TTLL9: variants seen among roughly 807,000 people sequenced by gnomAD.
TTLL9 encodes the protein probable tubulin polyglutamylase TTLL9.
A neutral mutation model predicts 65.6 loss-of-function variants in TTLL9; 47 were observed. That is an observed-to-expected ratio of 0.72 (90% CI 0.57 to 0.91). The LOEUF is 0.91. TTLL9 is among the 40% of genes least tolerant of loss of function. The pLI, the probability that TTLL9 is intolerant of heterozygous loss-of-function variation, is 0.00. For synonymous variants in TTLL9, 179 were observed against 204.8 expected, an observed-to-expected ratio of 0.87 and a Z score of 1.07; for missense variants, 537 against 568.8, an observed-to-expected ratio of 0.94 and a Z score of 0.57.
chr20:31,919,944 T>G lies in TTLL9; in HGVS notation c.573+12T>G. 1 of 1,574,326 alleles carries G rather than the reference T, an allele frequency of 6.4e-7. No individual in the cohort carries two copies. The highest frequency in any genetic ancestry group is 1.2e-5 in the South Asian group (1 of 85,616). On this transcript the variant is annotated intron_variant, in intron 7 of 14. Coordinates refer to ENST00000535842, the MANE Select transcript of TTLL9 (RefSeq NM_001008409.5). ...TGGACTGGAGGAAGGTGAGCCTGCC[T>G]CTTCCCCCTTCCTCCCTGAACCCTC...
intron 4 of TTLL9, among the ~76,000 whole-genome samples, chr20:31,904,234 G>A (rs1459433423): frequency 6.7e-6 from 1 of 150,310 alleles, no homozygotes; most frequent in African/African-American, 2.4e-5. Context: ...TTTCTCCAGT[G>A]TAAATTAACT....
chr20:31,878,635 CAGAT>C (rs1428987649), intron 2 of TTLL9, among the ~76,000 whole-genome samples: 5 of 152,188 alleles, frequency 3.3e-5, no homozygotes, highest in Non-Finnish European at 7.3e-5. Flanking sequence ...TAATTTTGAT[CAGAT>C]AGACTCCCTG....
Position 31,926,043 on chromosome 20 carries a change from C to A in TTLL9, c.706-6C>A, listed in dbSNP as rs756266495. Reference sequence around the variant, plus strand: ...CCAGTCCCAAGTGAACTCCTTTGTCCCACAGGTGTTTGCTGAATGCCTGCT... The same window carrying A: ...CCAGTCCCAAGTGAACTCCTTTGTCACACAGGTGTTTGCTGAATGCCTGCT... On this transcript the variant is annotated splice_region_variant and splice_polypyrimidine_tract_variant and intron_variant, in intron 9 of 14. Coordinates refer to ENST00000535842, the MANE Select transcript of TTLL9 (RefSeq NM_001008409.5). The A allele has an allele frequency of 6.2e-7, 1 of 1,613,788 alleles. No homozygotes were observed. The highest frequency in any genetic ancestry group is 1.3e-5 in the African/African-American group (1 of 74,866).
At chr20:31,934,477 C>T in intron 11 of TTLL9, 1 of 681,140 alleles carries the variant, frequency 1.5e-6, no homozygotes, top group East Asian at 2.8e-5. Flanking sequence ...TGGGCAGGGA[C>T]TTCTGGGGTC....
intron 14 of TTLL9, chr20:31,940,728 T>C (rs2064191069): frequency 6.6e-6 from 1 of 152,246 alleles, no homozygotes; most frequent in Non-Finnish European, 1.5e-5. Context: ...TGGCTGTCAG[T>C]TGGGCCTCTC....
chr20:31,943,244 A>G lies in TTLL9; in HGVS notation c.*223A>G, dbSNP rs1457158463. 1.7e-6 allele frequency: 1 copy of G among 591,138 alleles called. No individual in the cohort carries two copies. The highest frequency in any genetic ancestry group is 3.0e-6 in the Non-Finnish European group (1 of 330,366). The allele number at this position is 591,138 out of a possible 1,614,324, so 36.6% of individuals were successfully genotyped here. On this transcript the variant is annotated 3_prime_UTR_variant, in exon 15 of 15. Transcript: ENST00000535842. ...CACCAGGAGACAGCCAATCACTGGG[A>G]CTGGGGGAGGTTTAACCTTGACAAA...
At chr20:31,914,906 C>T (rs1600584422) in intron 6 of TTLL9, among the ~76,000 whole-genome samples, 1 of 152,234 alleles carries the variant, frequency 6.6e-6, no homozygotes, top group Admixed American at 6.5e-5. Flanking sequence ...CAGTCAGTTA[C>T]TCTGTTGGAG....
chr20:31,931,359 T>G (rs1600617656), intron 10 of TTLL9, among the ~76,000 whole-genome samples: 1 of 152,024 alleles, frequency 6.6e-6, no homozygotes, highest in South Asian at 2.1e-4. Context: ...GATTACAGCC[T>G]CGACTTCCCG....
At chr20:31,922,438 A>T (rs571115383) in intron 7 of TTLL9, among the ~76,000 whole-genome samples, 227 of 152,202 alleles carry the variant, frequency 1.5e-3, no homozygotes, top group African/African-American at 5.3e-3. Flanking sequence ...TAACTGTTAA[A>T]CACAAGCTCC....
At chr20:31,878,703 A>G (rs1469514632) in intron 2 of TTLL9, among the ~76,000 whole-genome samples, 1 of 152,166 alleles carries the variant, frequency 6.6e-6, no homozygotes, top group Non-Finnish European at 1.5e-5. Context: ...GACTCATTCA[A>G]TATCCTACCA....
Position 31,898,531 on chromosome 20 carries a change from C to T in TTLL9, c.172C>T (p.Leu58Phe). 1 of 1,614,232 alleles carries T rather than the reference C, an allele frequency of 6.2e-7. No homozygotes were observed. Among genetic ancestry groups the T allele is most frequent in the Non-Finnish European group, 8.5e-7 (1 of 1,180,046 alleles). ...CCTCATGAACACACTCATGGACGTC[C>T]TTCGCCACAGGCCAGGATGGGTGGA... ...TTLMNTLMDV[L>F]RHRPGWVEVK... The change falls in exon 4 of 15, where the codon CTT (leucine) becomes TTT (phenylalanine). Residue 58 changes from leucine (L) to phenylalanine (F), a missense_variant. By Grantham distance (22) the Leu-to-Phe change is conservative. This residue lies in a region of TTLL9 where 320 missense variants were observed against 311.0 expected (regional missense o/e 1.03). Coordinates refer to ENST00000535842, the MANE Select transcript of TTLL9 (RefSeq NM_001008409.5).
chr20:31,871,341 C>T (rs1459025598), intron 2 of TTLL9, 146 bp downstream of exon 2: 2 of 799,574 alleles, frequency 2.5e-6, no homozygotes, highest in Non-Finnish European at 4.2e-6. Flanking sequence ...GCTAGATGAC[C>T]CTGGGAAAGT....
chr20:31,870,991 G>C lies in TTLL9; in HGVS notation c.-6+42G>C, dbSNP rs2062917889. ...GATACATCCTCTCCACCCGTGCAGA[G>C]ACACCCTACCAACCAGCCTTCCTCC... is the stretch of plus-strand genomic sequence containing the variant. On this transcript the variant is annotated intron_variant, in intron 1 of 14. Transcript: ENST00000535842. This position sits in a 1 kb window ranked among gnomAD's most constrained non-coding sequence, Gnocchi z 6.6. 4.8e-6 allele frequency: 4 copies of C among 833,296 alleles called. No individual in the cohort carries two copies. Among genetic ancestry groups the C allele is most frequent in the Non-Finnish European group, 6.2e-6 (3 of 481,804 alleles). The allele number at this position is 833,296 out of a possible 1,614,324, so 51.6% of individuals were successfully genotyped here.
intron 2 of TTLL9, chr20:31,883,988 G>C: frequency 2.1e-6 from 1 of 469,902 alleles, no homozygotes; most frequent in Non-Finnish European, 3.9e-6. Context: ...ATATTGAAAA[G>C]AAAGAAGTAA....
chr20:31,880,791 TCTTA>T (rs899494015), intron 2 of TTLL9, among the ~76,000 whole-genome samples: 4 of 151,544 alleles, frequency 2.6e-5, no homozygotes, highest in East Asian at 3.9e-4. Flanking sequence ...CCAGCCTCCA[TCTTA>T]CTTCTTAATC....
At chr20:31,899,699 T>A (rs1600554998) in intron 4 of TTLL9, among the ~76,000 whole-genome samples, 1 of 148,584 alleles carries the variant, frequency 6.7e-6, no homozygotes, top group South Asian at 2.1e-4. Context: ...AACTCAGGAG[T>A]CTCTCACAGC....
intron 4 of TTLL9, among the ~76,000 whole-genome samples, chr20:31,904,020 G>A (rs558295237): frequency 7.2e-5 from 11 of 152,272 alleles, no homozygotes; most frequent in Middle Eastern, 3.4e-3. Flanking sequence ...TGACACTTTT[G>A]AAGAGTACAT....
chr20:31,890,135 TTCCTTCCTTCCTTCCTTCC>T, intron 3 of TTLL9, among the ~76,000 whole-genome samples: 1 of 102,152 alleles, frequency 9.8e-6, no homozygotes. Flanking sequence ...CCTTCCTTCC[TTCCTTCCTTCCTTCCTTCC>T]TTCTTTCTTT....
At chr20:31,902,450 G>A (rs370988795) in intron 4 of TTLL9, among the ~76,000 whole-genome samples, 4 of 151,938 alleles carry the variant, frequency 2.6e-5, no homozygotes, top group African/African-American at 9.7e-5. Context: ...GCTCGATCTC[G>A]GCTCACTGCA....
Sources: gnomAD v4.1 joint callset for allele counts (sites outside exome capture counted in the v4.1 genomes callset) on GRCh38, gnomAD v4.1.1 for gene constraint, gnomAD v4.1.1 regional missense constraint, Gnocchi (gnomAD v3.1) non-coding constraint, MANE v1.5 for transcripts, NCBI Gene and HGNC (gene_info 2026-07-23, HGNC 2026-07-21) for gene names.